Variants in CD244 observed in about 807,000 individuals in gnomAD.
The protein encoded by CD244 is natural killer cell receptor 2B4.
In CD244, 20 loss-of-function variants were observed where a neutral mutation model predicts 45.5. That is an observed-to-expected ratio of 0.44 (90% CI 0.31 to 0.64). The LOEUF is 0.64. CD244 is among the 30% of genes least tolerant of loss of function. The probability of loss-of-function intolerance (pLI) is 0.08; values close to 1 mark genes in which losing one functional copy is unlikely to be tolerated. For synonymous variants in CD244, 185 were observed against 160.5 expected (o/e 1.15, Z -1.15); for missense variants, 407 against 426.9 (o/e 0.95, Z 0.41).
intron 1 of CD244, among the ~76,000 whole-genome samples, chr1:160,843,414 A>G (rs1040056516): frequency 6.6e-6 from 1 of 152,172 alleles, no homozygotes; most frequent in Non-Finnish European, 1.5e-5. Flanking sequence ...GAATGGAAAA[A>G]ATCATTACTA....
At chr1:160,839,090 G>A (rs761661969) in intron 3 of CD244, 41 bp from the exon 4 acceptor site, 8 of 1,443,252 alleles carry the variant, frequency 5.5e-6, no homozygotes, top group Middle Eastern at 1.8e-4. Context: ...CTGTCAGCTC[G>A]CTCTCTTCTT....
Position 160,839,382 on chromosome 1 carries a change from G to C in CD244, c.656-333C>G, listed in dbSNP as rs535612070. Among the ~76,000 whole-genome samples the C allele has an allele frequency of 2.0e-5, 3 of 152,176 alleles. No individual in the cohort carries two copies. The South Asian group carries it at 6.2e-4, about 32-fold the overall frequency. Reference sequence around the variant, plus strand: ...CTTAGATTTTCTCACCTGTAAAAGGGGATAACGTTATCTACCTATAGGGGT... The same window carrying C: ...CTTAGATTTTCTCACCTGTAAAAGGCGATAACGTTATCTACCTATAGGGGT... On this transcript the variant is annotated intron_variant, in intron 3 of 8. Transcript: ENST00000368034.
intron 8 of CD244, among the ~76,000 whole-genome samples, chr1:160,832,199 T>G (rs1376394547): frequency 1.3e-5 from 2 of 152,100 alleles, no homozygotes; most frequent in Non-Finnish European, 2.9e-5. Context: ...TGACCCCTCC[T>G]CCGAACACTC....
At chr1:160,838,890 G>A in intron 4 of CD244, 49 bp downstream of exon 4, 1 of 1,269,696 alleles carries the variant, frequency 7.9e-7, no homozygotes, top group Non-Finnish European at 1.1e-6. Context: ...CAAAGTCACA[G>A]GATCCAAGGC....
intron 1 of CD244, among the ~76,000 whole-genome samples, chr1:160,862,228 G>C (rs1228841728): frequency 6.6e-6 from 1 of 152,142 alleles, no homozygotes; most frequent in Non-Finnish European, 1.5e-5. Context: ...ATCTGTCTCT[G>C]AGCTCGAGAA....
At chr1:160,850,418 T>C (rs548432207) in intron 1 of CD244, among the ~76,000 whole-genome samples, 8 of 152,306 alleles carry the variant, frequency 5.3e-5, no homozygotes, top group African/African-American at 1.9e-4. Context: ...ATAGATTCAA[T>C]AGAATTCCAA....
At chr1:160,855,693 C>T (rs1670080535) in intron 1 of CD244, among the ~76,000 whole-genome samples, 1 of 152,208 alleles carries the variant, frequency 6.6e-6, no homozygotes, top group Non-Finnish European at 1.5e-5. Flanking sequence ...GGCCCCCGGG[C>T]CCCTGCCACT....
chr1:160,857,437 G>A (rs12039896), intron 1 of CD244, among the ~76,000 whole-genome samples: 37,534 of 152,012 alleles, frequency 0.25, 4,989 homozygotes, highest in East Asian at 0.4. Flanking sequence ...ATAGTCATGC[G>A]ATAAAATACT....
rs1385994753 is a variant in CD244, at chr1:160,836,245, G to C, written c.844C>G (p.Gln282Glu). The change falls in exon 6 of 9, where the codon CAG becomes GAG. Residue 282 changes from glutamine (Q) to glutamate (E), a missense_variant. By Grantham distance (29) the Gln-to-Glu change is conservative. Coordinates refer to ENST00000368034, the MANE Select transcript of CD244 (RefSeq NM_016382.4). ...LKTRRNHEQEQTFPGGGSTIY... is the reference protein window; with the variant it reads ...LKTRRNHEQEETFPGGGSTIY... ...GTGCTCCCCCCTCCAGGAAAAGTCTGCTCCTGCTCCTGCACAAGAAATGGA... is the reference window on the plus strand; with the variant it reads ...GTGCTCCCCCCTCCAGGAAAAGTCTCCTCCTGCTCCTGCACAAGAAATGGA... The C allele has an allele frequency of 1.2e-6, 2 of 1,612,990 alleles. No homozygotes were observed. Among genetic ancestry groups the C allele is most frequent in the Non-Finnish European group, 8.5e-7 (1 of 1,179,150 alleles).
intron 1 of CD244, among the ~76,000 whole-genome samples, chr1:160,855,750 A>G (rs1670082460): frequency 6.6e-6 from 1 of 152,164 alleles, no homozygotes; most frequent in Non-Finnish European, 1.5e-5. Flanking sequence ...TCCTGTGGTT[A>G]AGAACGGATG....
chr1:160,843,618 G>A lies in CD244; in HGVS notation c.62-1717C>T, dbSNP rs6696695. ...TTAATTGTTGAGATAAAAAATCATC[G>A]AAGGAATTCTAATTATGTAATGAAA... is the stretch of plus-strand genomic sequence containing the variant. On this transcript the variant is annotated intron_variant, in intron 1 of 8. Coordinates refer to ENST00000368034, the MANE Select transcript of CD244 (RefSeq NM_016382.4). 3.9e-5 allele frequency among the ~76,000 whole-genome samples: 6 copies of A among 152,142 alleles called. No individual in the cohort carries two copies. The South Asian group carries it at 8.3e-4, about 21-fold the overall frequency.
intron 3 of CD244, among the ~76,000 whole-genome samples, chr1:160,839,994 G>C (rs1338304919): frequency 1.3e-5 from 2 of 152,112 alleles, no homozygotes; most frequent in Non-Finnish European, 2.9e-5. Flanking sequence ...GGGCTGACAA[G>C]GCTCTTTGCA....
chr1:160,843,564 A>G (rs190134442), intron 1 of CD244, among the ~76,000 whole-genome samples: 5 of 152,360 alleles, frequency 3.3e-5, no homozygotes, highest in South Asian at 2.1e-4. Flanking sequence ...TGATCTGGAA[A>G]CAGAACACTT....
chr1:160,831,675 T>C (rs1340591389), intron 8 of CD244, among the ~76,000 whole-genome samples: 1 of 152,240 alleles, frequency 6.6e-6, no homozygotes, highest in Non-Finnish European at 1.5e-5. Context: ...TACCTGGGTC[T>C]ACACAGTGCC....
intron 1 of CD244, among the ~76,000 whole-genome samples, chr1:160,854,885 G>C (rs770361116): frequency 1.3e-5 from 2 of 152,176 alleles, no homozygotes; most frequent in Non-Finnish European, 2.9e-5. Context: ...TTTTCAACTG[G>C]AAGGAAACTG....
Position 160,831,263 on chromosome 1 carries a change from A to G in CD244, c.*84T>C, listed in dbSNP as rs1213502401. Reference sequence around the variant, plus strand: ...TCCTCTCCAGACTAGGAACTGTTCTATAGAGACTCCTGTGCCGTCATCCAC... The same window carrying G: ...TCCTCTCCAGACTAGGAACTGTTCTGTAGAGACTCCTGTGCCGTCATCCAC... On this transcript the variant is annotated 3_prime_UTR_variant, in exon 9 of 9. Coordinates refer to ENST00000368034, the MANE Select transcript of CD244 (RefSeq NM_016382.4). 12 of 973,268 alleles carry G rather than the reference A, an allele frequency of 1.2e-5. No homozygotes were observed. The highest frequency in any genetic ancestry group is 2.7e-5 in the South Asian group (2 of 75,092). 60.3% of individuals were successfully genotyped at this position (973,268 alleles called of 1,614,324 possible). A position where few individuals can be genotyped will look rare whatever the true frequency, so the allele number is the denominator to read the frequency against.
At chr1:160,844,948 GC>G (rs140585994) in intron 1 of CD244, among the ~76,000 whole-genome samples, 6,990 of 152,060 alleles carry the variant, frequency 0.046, 446 homozygotes, top group African/African-American at 0.14. Flanking sequence ...CTGCACTCTA[GC>G]CTGCATGACA....
chr1:160,832,911 T>C (rs1399772971), intron 7 of CD244, among the ~76,000 whole-genome samples: 16 of 150,940 alleles, frequency 1.1e-4, no homozygotes, highest in African/African-American at 2.9e-4. Context: ...TATATACATA[T>C]TTGTGTATAT....
chr1:160,861,861 T>C (rs2101900320), intron 1 of CD244, among the ~76,000 whole-genome samples: 1 of 152,018 alleles, frequency 6.6e-6, no homozygotes, highest in South Asian at 2.1e-4. Context: ...TAAATAAAAA[T>C]TAAAAATGAA....
Sources: allele counts gnomAD v4.1 joint callset (sites outside exome capture counted in the v4.1 genomes callset), GRCh38; gene constraint gnomAD v4.1.1; transcripts MANE v1.5; gene names NCBI Gene and HGNC (gene_info 2026-07-23, HGNC 2026-07-21).